DOCK2: variants seen among roughly 807,000 people sequenced by gnomAD.
The protein encoded by DOCK2 is dedicator of cytokinesis 2, also known as dedicator of cytokinesis protein 2.
A neutral mutation model predicts 248.9 loss-of-function variants in DOCK2; 87 were observed. The observed-to-expected ratio is 0.35, with a 90% CI of 0.29 to 0.42. DOCK2 has a LOEUF of 0.42. Ranked by LOEUF, DOCK2 falls within the 10% of genes least tolerant of loss-of-function variation. The pLI, the probability that DOCK2 is intolerant of heterozygous loss-of-function variation, is 1.00. For missense variants in DOCK2, 1,747 were observed against 2,300.2 expected (o/e 0.76, Z 4.92); for synonymous variants, 805 against 821.6 (o/e 0.98, Z 0.35).
At chr5:169,984,503 G>C (rs1554123991) in intron 28 of DOCK2, among the ~76,000 whole-genome samples, 4 of 152,146 alleles carry the variant, frequency 2.6e-5, no homozygotes, top group Non-Finnish European at 5.9e-5. Flanking sequence ...GTGGAAACTA[G>C]GACTTAAAGT....
At chr5:170,046,115 G>A (rs1756699545) in intron 39 of DOCK2, among the ~76,000 whole-genome samples, 2 of 152,196 alleles carry the variant, frequency 1.3e-5, no homozygotes, top group Admixed American at 6.5e-5. Context: ...GAAATGCTTC[G>A]GTGACAGCTC....
intron 30 of DOCK2, among the ~76,000 whole-genome samples, chr5:169,999,452 A>T (rs543154325): frequency 1.3e-5 from 2 of 152,302 alleles, no homozygotes; most frequent in South Asian, 4.1e-4. Context: ...TTGGATAATG[A>T]TTATGATGAT....
intron 27 of DOCK2, among the ~76,000 whole-genome samples, chr5:169,956,998 A>G (rs1318543717): frequency 6.6e-6 from 1 of 152,010 alleles, no homozygotes; most frequent in Non-Finnish European, 1.5e-5. Flanking sequence ...CAGGAGCAAT[A>G]CAATGGTATC....
At chr5:170,074,530 A>T (rs1311563257) in intron 46 of DOCK2, among the ~76,000 whole-genome samples, 2 of 152,240 alleles carry the variant, frequency 1.3e-5, no homozygotes, top group Non-Finnish European at 2.9e-5. Context: ...CACATTCTCC[A>T]GAGTCAGACC....
chr5:170,061,899 C>A (rs10052633), intron 44 of DOCK2, among the ~76,000 whole-genome samples: 37,041 of 152,094 alleles, frequency 0.24, 5,115 homozygotes, highest in African/African-American at 0.36. Context: ...CAGAGCCCCC[C>A]CAGAGTTGGT....
chr5:169,809,481 C>G (rs1767605452), intron 26 of DOCK2, among the ~76,000 whole-genome samples: 1 of 152,254 alleles, frequency 6.6e-6, no homozygotes, highest in Non-Finnish European at 1.5e-5. Flanking sequence ...ATTCCCACTT[C>G]CTTCTCCTCC....
intron 27 of DOCK2, among the ~76,000 whole-genome samples, chr5:169,904,667 T>C (rs946119306): frequency 2.0e-5 from 3 of 152,198 alleles, no homozygotes; most frequent in Non-Finnish European, 4.4e-5. Flanking sequence ...TAAGAAGGCT[T>C]CCCATCATTT....
chr5:169,814,670 A>G (rs1194762164), intron 26 of DOCK2, among the ~76,000 whole-genome samples: 1 of 152,224 alleles, frequency 6.6e-6, no homozygotes. Flanking sequence ...GGAATTCAAC[A>G]TTATTTCAAA....
In DOCK2 at chr5:169,893,499, A is replaced by T. The variant is rs377210986; in HGVS notation, c.2799+52647A>T. On this transcript the variant is annotated intron_variant, in intron 27 of 51. Coordinates refer to ENST00000520908, the MANE Select transcript of DOCK2 (RefSeq NM_004946.3). ...TTACCCTTTTTTTTTTTTTTAGGTC[A>T]TACCACTTTTTGACTTTAAATAATT... Among the ~76,000 whole-genome samples the T allele has an allele frequency of 4.6e-3, 654 of 141,558 alleles. 7 individuals carry two copies. Among genetic ancestry groups the T allele is most frequent in the African/African-American group, 0.016 (609 of 37,664 alleles). 92.9% of individuals were successfully genotyped at this position (141,558 alleles called of 152,430 possible). A position where few individuals can be genotyped will look rare whatever the true frequency, so the allele number is the denominator to read the frequency against.
At position 169,669,350 on chromosome 5, in the gene DOCK2, T is replaced by C. The variant is rs540233895; in HGVS notation, c.168+22T>C. Reference sequence around the variant, plus strand: ...ACAGGTAAGGTCACCTGGTTTTTATTTGTGTCAGTACTGGAGGTCTTCATA... The same window carrying C: ...ACAGGTAAGGTCACCTGGTTTTTATCTGTGTCAGTACTGGAGGTCTTCATA... On this transcript the variant is annotated intron_variant, in intron 3 of 51. Transcript: ENST00000520908. 1.5e-5 allele frequency: 25 copies of C among 1,614,048 alleles called. No homozygotes were observed. In the East Asian group the frequency reaches 1.6e-4, roughly 10 times the overall value.
At chr5:170,049,846 C>A (rs1321214507) in intron 40 of DOCK2, among the ~76,000 whole-genome samples, 1 of 152,174 alleles carries the variant, frequency 6.6e-6, no homozygotes, top group South Asian at 2.1e-4. Flanking sequence ...GAGCCAGAAG[C>A]CAGGTGATGA....
At chr5:169,886,879 G>T (rs1773001759) in intron 27 of DOCK2, among the ~76,000 whole-genome samples, 1 of 152,216 alleles carries the variant, frequency 6.6e-6, no homozygotes, top group Non-Finnish European at 1.5e-5. Flanking sequence ...TTTCATAAGA[G>T]CTAATGTCTA....
intron 26 of DOCK2, among the ~76,000 whole-genome samples, chr5:169,815,960 G>A (rs903196297): frequency 3.3e-5 from 5 of 152,164 alleles, no homozygotes; most frequent in African/African-American, 1.2e-4. Flanking sequence ...GAAAGGAACA[G>A]CCATTTACAC....
intron 27 of DOCK2, among the ~76,000 whole-genome samples, chr5:169,844,467 C>T (rs1053557932): frequency 6.6e-6 from 1 of 152,218 alleles, no homozygotes; most frequent in East Asian, 1.9e-4. Context: ...AAGCTGGGCA[C>T]CTTGGCCTTG....
chr5:169,995,633 A>C (rs1371528784), intron 29 of DOCK2, among the ~76,000 whole-genome samples: 1 of 152,252 alleles, frequency 6.6e-6, no homozygotes, highest in African/African-American at 2.4e-5. Flanking sequence ...AGCCCCATTT[A>C]TCAAAATGAT....
chr5:169,844,249 G>A (rs1178097681), intron 27 of DOCK2, among the ~76,000 whole-genome samples: 1 of 152,230 alleles, frequency 6.6e-6, no homozygotes, highest in East Asian at 1.9e-4. Flanking sequence ...AGCTTGACCA[G>A]TAGATGAGTT....
chr5:169,798,276 T>C, intron 25 of DOCK2, among the ~76,000 whole-genome samples: 1 of 152,062 alleles, frequency 6.6e-6, no homozygotes, highest in East Asian at 1.9e-4. Context: ...AATCATTCAG[T>C]TCATCCCTTC....
intron 10 of DOCK2, among the ~76,000 whole-genome samples, chr5:169,696,381 A>G (rs1423620149): frequency 6.6e-6 from 1 of 152,234 alleles, no homozygotes; most frequent in African/African-American, 2.4e-5. Flanking sequence ...GCGTGACCTG[A>G]GGCAGAGCCC....
chr5:169,839,571 T>C (rs1194890421), intron 26 of DOCK2, among the ~76,000 whole-genome samples: 2 of 152,182 alleles, frequency 1.3e-5, no homozygotes, highest in African/African-American at 2.4e-5. Context: ...AAGATATAGA[T>C]GAATATGCTT....
Sources: allele counts gnomAD v4.1 joint callset (sites outside exome capture counted in the v4.1 genomes callset), GRCh38; gene constraint gnomAD v4.1.1; transcripts MANE v1.5; gene names NCBI Gene and HGNC (gene_info 2026-07-23, HGNC 2026-07-21).